The following APMAP variants were observed in gnomAD, a reference collection of about 807,000 sequenced individuals.
APMAP encodes the protein adipocyte plasma membrane-associated protein.
Under a neutral mutation model 43.6 loss-of-function variants are expected in APMAP, and 33 were observed. The ratio of observed to expected loss-of-function variants is 0.76; its 90% confidence interval spans 0.57 to 1.01. The LOEUF (loss-of-function observed/expected upper bound fraction) is 1.01, where lower values mean the gene tolerates loss of function less well. APMAP is among the 50% of genes least tolerant of loss of function. The pLI is 0.00. For synonymous variants in APMAP, 224 were observed against 216.7 expected, an observed-to-expected ratio of 1.03 and a Z score of -0.30; for missense variants, 498 against 540.7, an observed-to-expected ratio of 0.92 and a Z score of 0.78.
intron 4 of APMAP, among the ~76,000 whole-genome samples, chr20:24,973,150 T>C (rs2122498941): frequency 2.0e-5 from 3 of 152,328 alleles, no homozygotes; most frequent in Middle Eastern, 6.8e-3. Flanking sequence ...AACTATTAAG[T>C]CTATAGACTA....
chr20:24,980,207 C>G (rs1404676830), intron 2 of APMAP, among the ~76,000 whole-genome samples: 1 of 152,238 alleles, frequency 6.6e-6, no homozygotes, highest in Non-Finnish European at 1.5e-5. Context: ...TGGAGGAAAC[C>G]AAAGTAGAGA....
intron 1 of APMAP, among the ~76,000 whole-genome samples, chr20:24,984,298 A>G (rs983013364): frequency 1.3e-5 from 2 of 152,204 alleles, no homozygotes; most frequent in African/African-American, 4.8e-5. Flanking sequence ...GAGGGTTTTA[A>G]AGAAGGCAAA....
rs770805855 is a variant in APMAP, at chr20:24,969,082, ACT to A, written c.849_850del (p.Arg283SerfsTer12). On this transcript the variant is annotated frameshift_variant and splice_region_variant, in exon 8 of 9. Transcript: ENST00000217456. LOFTEE classifies it high-confidence loss of function. ...GCCCTTCATCAGGCCAGAAACGTAG[ACT>A]CTGAAAAATTCACCCAAGCAGAGAG... 6.3e-7 allele frequency: 1 copy of A among 1,579,408 alleles called. No individual in the cohort carries two copies. The highest frequency in any genetic ancestry group is 1.4e-5 in the African/African-American group (1 of 73,220).
intron 1 of APMAP, among the ~76,000 whole-genome samples, chr20:24,986,209 T>A (rs889556837): frequency 6.6e-6 from 1 of 152,202 alleles, no homozygotes; most frequent in Non-Finnish European, 1.5e-5. Flanking sequence ...CTTCCAAAAA[T>A]GAATTTTGTC....
At chr20:24,991,041 CCA>C (rs2088187686) in intron 1 of APMAP, among the ~76,000 whole-genome samples, 1 of 152,208 alleles carries the variant, frequency 6.6e-6, no homozygotes, top group African/African-American at 2.4e-5. Flanking sequence ...GAAGAAATCC[CCA>C]CAGAGAACCT....
In APMAP at chr20:24,970,256, G is replaced by T; in HGVS notation, c.654C>A (p.Ser218Arg). 2 of 1,614,094 alleles carry T rather than the reference G, an allele frequency of 1.2e-6. No individual in the cohort carries two copies. The highest frequency in any genetic ancestry group is 1.7e-6 in the Non-Finnish European group (2 of 1,180,036). ...GGTAGTCTCGTCTTTGCCATTTGCT[G>T]CTAGAATCGGTGAAATAAATCTTCC... ...DGRKIYFTDS[S>R]SKWQRRDYLL... Residue 218 changes from serine (S) to arginine (R), a missense_variant, in exon 6 of 9, where the codon AGC becomes AGA. By Grantham distance (110) the Ser-to-Arg change is moderately radical (BLOSUM62 -1). Coordinates refer to ENST00000217456, the MANE Select transcript of APMAP (RefSeq NM_020531.3).
At chr20:24,991,431 G>C (rs776927045) in intron 1 of APMAP, among the ~76,000 whole-genome samples, 1 of 152,296 alleles carries the variant, frequency 6.6e-6, no homozygotes, top group East Asian at 1.9e-4. Context: ...GGTTGGTCAG[G>C]ATATATGGGA....
At chr20:24,992,503 G>A (rs996748801) in intron 1 of APMAP, 91 bp downstream of exon 1, 14 of 1,071,128 alleles carry the variant, frequency 1.3e-5, no homozygotes, top group South Asian at 4.9e-5. Flanking sequence ...GCATCCCCAG[G>A]TTACTGTTAC....
chr20:24,982,993 C>A (rs1462382720), intron 2 of APMAP, among the ~76,000 whole-genome samples: 1 of 152,196 alleles, frequency 6.6e-6, no homozygotes, highest in Non-Finnish European at 1.5e-5. Context: ...CACCCATTCT[C>A]AATCTTACAT....
chr20:24,976,822 T>C (rs1382591435), intron 3 of APMAP, among the ~76,000 whole-genome samples: 1 of 152,200 alleles, frequency 6.6e-6, no homozygotes, highest in African/African-American at 2.4e-5. Flanking sequence ...GGCACATCCA[T>C]ACAATGGAAT....
chr20:24,967,092 G>C (rs541751954), intron 8 of APMAP, among the ~76,000 whole-genome samples: 1 of 152,128 alleles, frequency 6.6e-6, no homozygotes, highest in African/African-American at 2.4e-5. Context: ...TCAGGCGTTC[G>C]AGACCAGCCT....
intron 6 of APMAP, 67 bp downstream of exon 6, chr20:24,970,130 G>T: frequency 6.4e-7 from 1 of 1,568,072 alleles, no homozygotes; most frequent in South Asian, 1.1e-5. Flanking sequence ...AGAAGTAACA[G>T]GCTCTGCTGA....
rs185208969 is a variant in APMAP at position 24,968,988 on chromosome 20, C to G, written c.945G>C (p.Gly315=). 7.1e-5 allele frequency: 114 copies of G among 1,613,836 alleles called. No individual in the cohort carries two copies. The East Asian group carries it at 2.3e-3, about 33-fold the overall frequency. ...GGATGGTCGACATGCCCACCCAGTACCCCCCAGAGCTGCTGGGCCGGATGT... is the reference window on the plus strand; with the variant it reads ...GGATGGTCGACATGCCCACCCAGTAGCCCCCAGAGCTGCTGGGCCGGATGT... ...PDNIRPSSSG[G]YWVGMSTIRP... is the part of the protein sequence containing the mutation. The change falls in exon 8 of 9, where the codon GGG becomes GGC. Residue 315 remains glycine (G), a synonymous_variant. Transcript: ENST00000217456.
intron 1 of APMAP, among the ~76,000 whole-genome samples, chr20:24,990,147 T>C (rs186311783): frequency 6.6e-5 from 10 of 152,308 alleles, no homozygotes; most frequent in Admixed American, 3.3e-4. Context: ...CAAATAATAA[T>C]TATAAGCTTG....
chr20:24,971,336 G>C, intron 5 of APMAP, 124 bp downstream of exon 5: 1 of 886,510 alleles, frequency 1.1e-6, no homozygotes, highest in Non-Finnish European at 1.7e-6. Flanking sequence ...GTACTGTTCA[G>C]TGAATAAGAA....
At chr20:24,966,047 G>A (rs1191105626) in intron 8 of APMAP, among the ~76,000 whole-genome samples, 1 of 152,180 alleles carries the variant, frequency 6.6e-6, no homozygotes, top group Non-Finnish European at 1.5e-5. Flanking sequence ...AGGGACCTGG[G>A]AGCAGCGACA....
Position 24,970,030 on chromosome 20 carries a change from T to C in APMAP, c.713+167A>G, listed in dbSNP as rs186402290. ...GAGAAAACGAAAGCACCTTGTTCCA[T>C]TTTGTGACATCCATCACCTGCCTCC... On this transcript the variant is annotated intron_variant, in intron 6 of 8. Transcript: ENST00000217456. 2.4e-3 allele frequency among the ~76,000 whole-genome samples: 359 copies of C among 152,344 alleles called. 1 individual carries two copies. Among genetic ancestry groups the C allele is most frequent in the African/African-American group, 8.5e-3 (352 of 41,576 alleles).
At chr20:24,971,671 A>C (rs193275354) in intron 4 of APMAP, 95 bp from the exon 5 acceptor site, 524 of 1,012,586 alleles carry the variant, frequency 5.2e-4, no homozygotes, top group Non-Finnish European at 7.0e-4. Context: ...CTTCCCATAC[A>C]TCATGCTGTA....
chr20:24,987,713 C>G (rs1359349731), intron 1 of APMAP, among the ~76,000 whole-genome samples: 1 of 151,916 alleles, frequency 6.6e-6, no homozygotes, highest in Non-Finnish European at 1.5e-5. Flanking sequence ...GGCCATTATA[C>G]TAAAAATCAC....
Sources: allele counts gnomAD v4.1 joint callset (sites outside exome capture counted in the v4.1 genomes callset), GRCh38; gene constraint gnomAD v4.1.1; transcripts MANE v1.5; gene names NCBI Gene and HGNC (gene_info 2026-07-23, HGNC 2026-07-21).